TRERF1: variants seen among roughly 807,000 people sequenced by gnomAD.
TRERF1 encodes the protein transcriptional-regulating factor 1.
TRERF1 carries 27 observed loss-of-function variants against 122.9 expected under a neutral mutation model. The ratio of observed to expected loss-of-function variants is 0.22; its 90% confidence interval spans 0.16 to 0.30. The LOEUF (loss-of-function observed/expected upper bound fraction) is 0.30, where lower values mean the gene tolerates loss of function less well. TRERF1 is among the 10% of genes least tolerant of loss of function. TRERF1 has a pLI of 1.00. For missense variants in TRERF1, 1,248 were observed against 1,560.3 expected, an observed-to-expected ratio of 0.80 and a Z score of 3.37; for synonymous variants, 636 against 641.7, an observed-to-expected ratio of 0.99 and a Z score of 0.13.
At position 42,284,763 on chromosome 6, in the gene TRERF1, TGACTTGCTA is replaced by T. The variant is rs1419279612; in HGVS notation, c.-258-14924_-258-14916del. Reference sequence around the variant, plus strand: ...AGACAGTTCCACCTGCGTGTGAGTGTGACTTGCTAACTTTAACATGAGGAGCATGCTAGA... The same window carrying T: ...AGACAGTTCCACCTGCGTGTGAGTGTACTTTAACATGAGGAGCATGCTAGA... On this transcript the variant is annotated intron_variant, in intron 4 of 17. Coordinates refer to ENST00000372922, the Ensembl canonical transcript of TRERF1. 2.0e-5 allele frequency among the ~76,000 whole-genome samples: 3 copies of T among 152,190 alleles called. No individual in the cohort carries two copies. The East Asian group carries it at 5.8e-4, about 29-fold the overall frequency.
intron 10 of TRERF1, 116 bp from the exon 11 acceptor site, chr6:42,257,218 G>C: frequency 7.8e-7 from 1 of 1,289,798 alleles, no homozygotes; most frequent in Non-Finnish European, 1.1e-6. Context: ...AAGAATGCAG[G>C]GGCATTTCCT....
At chr6:42,347,971 AG>A (rs1768645729) in intron 3 of TRERF1, among the ~76,000 whole-genome samples, 1 of 152,252 alleles carries the variant, frequency 6.6e-6, no homozygotes, top group Non-Finnish European at 1.5e-5. Flanking sequence ...GTGAATGTAT[AG>A]TTATTACTGA....
intron 3 of TRERF1, among the ~76,000 whole-genome samples, chr6:42,321,020 A>G (rs1392121120): frequency 6.6e-6 from 1 of 152,124 alleles, no homozygotes; most frequent in South Asian, 2.1e-4. Context: ...TGACTCAGAG[A>G]CGCCAGAACA....
At chr6:42,236,707 T>C (rs56191829) in intron 15 of TRERF1, among the ~76,000 whole-genome samples, 3 of 152,280 alleles carry the variant, frequency 2.0e-5, no homozygotes, top group Non-Finnish European at 4.4e-5. Context: ...ATGCAAGGAT[T>C]CCCCACCTTG....
chr6:42,417,805 C>A (rs774098867), intron 2 of TRERF1, among the ~76,000 whole-genome samples: 3 of 152,170 alleles, frequency 2.0e-5, no homozygotes, highest in Non-Finnish European at 4.4e-5. Flanking sequence ...TCACACCCCC[C>A]CAACAGTCTA....
chr6:42,370,456 T>A (rs1490581998), intron 2 of TRERF1, among the ~76,000 whole-genome samples: 2 of 152,176 alleles, frequency 1.3e-5, no homozygotes, highest in African/African-American at 4.8e-5. Context: ...TGGTGACACA[T>A]GCCTATAGTC....
chr6:42,327,344 G>A (rs1764468670), intron 3 of TRERF1, among the ~76,000 whole-genome samples: 1 of 152,162 alleles, frequency 6.6e-6, no homozygotes, highest in Non-Finnish European at 1.5e-5. Flanking sequence ...TTTTACAGAT[G>A]GGTAAAATAA....
At chr6:42,245,389 A>C (rs533876475) in intron 14 of TRERF1, among the ~76,000 whole-genome samples, 75 of 152,364 alleles carry the variant, frequency 4.9e-4, no homozygotes, top group African/African-American at 1.8e-3. Context: ...CCCTAGACTG[A>C]CAACAGGAGA....
chr6:42,409,011 G>T (rs910731632), intron 2 of TRERF1, among the ~76,000 whole-genome samples: 20 of 152,078 alleles, frequency 1.3e-4, no homozygotes, highest in African/African-American at 4.3e-4. Context: ...TTCCAGGTCA[G>T]GCGCGGTGGC....
At chr6:42,240,092 C>A (rs1029366045) in intron 15 of TRERF1, among the ~76,000 whole-genome samples, 4 of 152,214 alleles carry the variant, frequency 2.6e-5, no homozygotes, top group Non-Finnish European at 5.9e-5. Flanking sequence ...CAGTCCGAGA[C>A]GGTGCCTCTG....
intron 2 of TRERF1, among the ~76,000 whole-genome samples, chr6:42,444,526 G>A (rs952566914): frequency 3.3e-5 from 5 of 151,942 alleles, no homozygotes; most frequent in Admixed American, 1.3e-4. Context: ...AGAGCATCTC[G>A]GTCCTCCACA....
intron 8 of TRERF1, among the ~76,000 whole-genome samples, chr6:42,261,188 G>C (rs376021840): frequency 6.6e-6 from 1 of 152,194 alleles, no homozygotes; most frequent in East Asian, 1.9e-4. Context: ...CCCCCAAGGG[G>C]AGCAGCCCTG....
chr6:42,301,521 C>A (rs1786198147), intron 3 of TRERF1, among the ~76,000 whole-genome samples: 1 of 152,184 alleles, frequency 6.6e-6, no homozygotes, highest in African/African-American at 2.4e-5. Context: ...GGCCACCGTG[C>A]CCAGCCGAAG....
chr6:42,438,278 G>T (rs905802517), intron 2 of TRERF1, among the ~76,000 whole-genome samples: 1 of 151,520 alleles, frequency 6.6e-6, no homozygotes, highest in African/African-American at 2.4e-5. Flanking sequence ...AGGTAAGGTC[G>T]CCATGGCCAG....
rs73733192 is a variant in TRERF1 at position 42,415,417 on chromosome 6, T to G, written c.-454+35760A>C. On this transcript the variant is annotated intron_variant, in intron 2 of 17. Coordinates refer to ENST00000372922, the Ensembl canonical transcript of TRERF1. ...TTGTCAAATGTATCAGTCTTTTATG[T>G]TATAGCTTCTGGGATTTGTGTCAAA... Among the ~76,000 whole-genome samples the G allele has an allele frequency of 6.0e-3, 921 of 152,324 alleles. 8 individuals are homozygous for G. Among genetic ancestry groups the G allele is most frequent in the African/African-American group, 0.021 (892 of 41,572 alleles).
At position 42,259,940 on chromosome 6, in the gene TRERF1, C is replaced by A. The variant is rs924574621; in HGVS notation, c.1885-217G>T. ...AAAACTAAGGTTTTGGAAGAAATCC[C>A]TAATTTCTGAAAGAGCTGGGGGTGG... On this transcript the variant is annotated intron_variant, in intron 8 of 17. Transcript: ENST00000372922. The surrounding 1 kb of genome is among the most constrained non-coding windows in gnomAD (Gnocchi z 4.9). Among the ~76,000 whole-genome samples, 1 of 151,994 alleles carries A rather than the reference C, an allele frequency of 6.6e-6. No homozygotes were observed. The highest frequency in any genetic ancestry group is 2.4e-5 in the African/African-American group (1 of 41,356).
intron 4 of TRERF1, among the ~76,000 whole-genome samples, chr6:42,285,993 T>C (rs1008000125): frequency 1.3e-5 from 2 of 151,114 alleles, no homozygotes; most frequent in Non-Finnish European, 3.0e-5. Flanking sequence ...ACGCCGCATA[T>C]CTACAACTAT....
At chr6:42,449,354 T>G (rs1788067135) in intron 2 of TRERF1, among the ~76,000 whole-genome samples, 1 of 152,086 alleles carries the variant, frequency 6.6e-6, no homozygotes, top group South Asian at 2.1e-4. Context: ...ACTCCGGGTA[T>G]CAATTCCTAT....
intron 2 of TRERF1, among the ~76,000 whole-genome samples, chr6:42,388,357 C>T (rs1777163339): frequency 6.6e-6 from 1 of 151,860 alleles, no homozygotes; most frequent in Non-Finnish European, 1.5e-5. Context: ...GGTGCCCAAC[C>T]TTCAAAACCA....
Sources: gnomAD v4.1 joint callset for allele counts (sites outside exome capture counted in the v4.1 genomes callset) on GRCh38, gnomAD v4.1.1 for gene constraint, Gnocchi (gnomAD v3.1) non-coding constraint, MANE v1.5 for transcripts, NCBI Gene and HGNC (gene_info 2026-07-23, HGNC 2026-07-21) for gene names.